The following TYW3 variants were observed in gnomAD, a reference collection of about 807,000 sequenced individuals.
TYW3 encodes tRNA wybutosine-synthesizing protein 3 homolog.
In TYW3, 26 loss-of-function variants were observed where a neutral mutation model predicts 23.1. The observed-to-expected ratio is 1.13, with a 90% CI of 0.83 to 1.56. The LOEUF (loss-of-function observed/expected upper bound fraction) is 1.56. Among genes scored for constraint, TYW3 ranks in the 40% most tolerant of loss-of-function variants. The probability of loss-of-function intolerance (pLI) is 0.00; values close to 1 mark genes in which losing one functional copy is unlikely to be tolerated. For synonymous variants in TYW3, 102 were observed against 105.7 expected (o/e 0.97, Z 0.21); for missense variants, 316 against 311.9 (o/e 1.01, Z -0.10).
chr1:74,736,028 T>C (rs111531666), intron 1 of TYW3, among the ~76,000 whole-genome samples: 1 of 152,176 alleles, frequency 6.6e-6, no homozygotes, highest in African/African-American at 2.4e-5. Context: ...CTTAGCTCCA[T>C]CCTTCAGGAC....
intron 4 of TYW3, chr1:74,750,949 A>AGG: frequency 6.6e-6 from 1 of 152,052 alleles, no homozygotes; most frequent in Non-Finnish European, 1.5e-5. Flanking sequence ...CTGGAATTAC[A>AGG]CACAGGCCCT....
intron 2 of TYW3, among the ~76,000 whole-genome samples, chr1:74,737,825 A>G (rs573236296): frequency 3.9e-4 from 59 of 152,148 alleles, no homozygotes; most frequent in African/African-American, 1.3e-3. Context: ...GTGTTGTAAC[A>G]TTTGCTTATA....
intron 3 of TYW3, 150 bp downstream of exon 3, chr1:74,738,938 T>G (rs1316372014): frequency 4.5e-6 from 2 of 441,638 alleles, no homozygotes; most frequent in Admixed American, 8.5e-5. Context: ...TCTATTAATT[T>G]TTAATATTAG....
intron 3 of TYW3, among the ~76,000 whole-genome samples, chr1:74,747,596 C>G (rs1325540232): frequency 6.9e-6 from 1 of 145,454 alleles, no homozygotes; most frequent in East Asian, 2.0e-4. Context: ...GAGATCCCGC[C>G]ACTGCACTCC....
At chr1:74,756,214 G>A (rs867959878) in intron 5 of TYW3, among the ~76,000 whole-genome samples, 6 of 152,200 alleles carry the variant, frequency 3.9e-5, no homozygotes, top group Admixed American at 3.9e-4. Context: ...GTGGGGCACT[G>A]CGGAAAAGAT....
chr1:74,747,650 A>AT (rs1648613285), intron 3 of TYW3, among the ~76,000 whole-genome samples: 1 of 151,116 alleles, frequency 6.6e-6, no homozygotes, highest in South Asian at 2.1e-4. Flanking sequence ...AAAAAAAAAA[A>AT]GAAAAAGAAA....
At chr1:74,748,692 C>G in intron 3 of TYW3, 59 bp from the exon 4 acceptor site, 1 of 1,362,512 alleles carries the variant, frequency 7.3e-7, no homozygotes, top group South Asian at 1.3e-5. Flanking sequence ...TTTGTGGAGC[C>G]AAACAGATGA....
intron 4 of TYW3, 26 bp downstream of exon 4, chr1:74,748,848 T>C: frequency 6.2e-7 from 1 of 1,601,642 alleles, no homozygotes; most frequent in East Asian, 2.2e-5. Flanking sequence ...AAAGAGTAAT[T>C]TTTTTAGTGT....
At chr1:74,737,756 G>T (rs1045840241) in intron 2 of TYW3, among the ~76,000 whole-genome samples, 3 of 152,174 alleles carry the variant, frequency 2.0e-5, no homozygotes, top group Non-Finnish European at 4.4e-5. Context: ...GTGCTACCTA[G>T]GGAAGAGACT....
chr1:74,747,254 G>A (rs1410386759), intron 3 of TYW3, among the ~76,000 whole-genome samples: 2 of 152,164 alleles, frequency 1.3e-5, no homozygotes, highest in African/African-American at 4.8e-5. Context: ...ATGGGAATTG[G>A]GTATAGGGGA....
At position 74,748,883 on chromosome 1, in the gene TYW3, CTAAT is replaced by C. The variant is rs1441012509; in HGVS notation, c.426+64_426+67del. The C allele has an allele frequency of 4.3e-6, 6 of 1,392,226 alleles. No homozygotes were observed. In the African/African-American group the frequency reaches 8.6e-5, roughly 20 times the overall value. The allele number at this position is 1,392,226 out of a possible 1,614,324, so 86.2% of individuals were successfully genotyped here. A position where few individuals can be genotyped will look rare whatever the true frequency, so the allele number is the denominator to read the frequency against. On this transcript the variant is annotated intron_variant, in intron 4 of 5. Transcript: ENST00000370867. The stretch of plus-strand genomic sequence containing the variant: ...TAAAGTGATCCAGAAATTGAATAAC[CTAAT>C]TAGACTCCTGCCTTTAATGTCTCCT...
chr1:74,736,457 G>C lies in TYW3; in HGVS notation c.175-85G>C, dbSNP rs1047724606. On this transcript the variant is annotated intron_variant, in intron 1 of 5. Transcript: ENST00000370867. ...TCCTGACTTGGGATTATTAATTTAA[G>C]AAAGCCTACAATATACTATGCATTA... 6.2e-5 allele frequency: 56 copies of C among 900,884 alleles called. No homozygotes were observed. The Admixed American group carries it at 1.2e-3, about 19-fold the overall frequency. 55.8% of individuals were successfully genotyped at this position (900,884 alleles called of 1,614,324 possible).
At chr1:74,740,822 A>G (rs1006242633) in intron 3 of TYW3, among the ~76,000 whole-genome samples, 1 of 152,232 alleles carries the variant, frequency 6.6e-6, no homozygotes, top group African/African-American at 2.4e-5. Context: ...GCGTTTTTAC[A>G]GAGTGCTGAT....
At chr1:74,744,003 C>T (rs1027128373) in intron 3 of TYW3, among the ~76,000 whole-genome samples, 3 of 152,094 alleles carry the variant, frequency 2.0e-5, no homozygotes, top group Non-Finnish European at 1.5e-5. Flanking sequence ...CCAAGTTGGG[C>T]CAAATTCCCC....
At chr1:74,736,737 AT>A in intron 2 of TYW3, 115 bp downstream of exon 2, 1 of 793,180 alleles carries the variant, frequency 1.3e-6, no homozygotes, top group South Asian at 2.2e-5. Flanking sequence ...ATGGCTGAAG[AT>A]TATAAAACCT....
rs778991657 is a variant in TYW3 at position 74,736,560 on chromosome 1, G to A, written c.193G>A (p.Val65Ile). 1 of 1,600,862 alleles carries A rather than the reference G, an allele frequency of 6.2e-7. No homozygotes were observed. The highest frequency in any genetic ancestry group is 1.7e-5 in the Admixed American group (1 of 59,028). Residue 65 changes from valine (V) to isoleucine (I), a missense_variant, in exon 2 of 6, where the codon GTT (valine) becomes ATT (isoleucine). Physicochemically the swap from Val to Ile is conservative, Grantham distance 29 (BLOSUM62 3). Coordinates refer to ENST00000370867, the MANE Select transcript of TYW3 (RefSeq NM_138467.3). ...LLDRGINGFEVQKQNCCWLLV... is the reference protein window; with the variant it reads ...LLDRGINGFEIQKQNCCWLLV... ...ATTTTAGGGTATAAATGGTTTTGAG[G>A]TTCAGAAACAAAACTGTTGCTGGCT...
chr1:74,751,736 A>G (rs525487), intron 4 of TYW3, among the ~76,000 whole-genome samples: 33,089 of 151,876 alleles, frequency 0.22, 3,889 homozygotes, highest in Middle Eastern at 0.29. Context: ...TAGACCTTGT[A>G]TGGTTGTTCT....
chr1:74,765,462 G>T lies in TYW3; in HGVS notation c.*1349G>T, dbSNP rs1384592614. The T allele has an allele frequency of 3.3e-5, 5 of 152,124 alleles. No homozygotes were observed. Among genetic ancestry groups the T allele is most frequent in the Admixed American group, 6.6e-5 (1 of 15,250 alleles). The allele number at this position is 152,124 out of a possible 1,614,324, so 9.4% of individuals were successfully genotyped here. A position where few individuals can be genotyped will look rare whatever the true frequency, so the allele number is the denominator to read the frequency against. On this transcript the variant is annotated 3_prime_UTR_variant, in exon 6 of 6. Transcript: ENST00000370867. The stretch of plus-strand genomic sequence containing the variant: ...GACAATGTCAGTGGCACTCGAAGTT[G>T]TGCAGTGCACATTCTTATCTACCAA...
At chr1:74,741,823 T>G (rs1316265176) in intron 3 of TYW3, among the ~76,000 whole-genome samples, 1 of 152,172 alleles carries the variant, frequency 6.6e-6, no homozygotes, top group Non-Finnish European at 1.5e-5. Context: ...GATGAGTTTC[T>G]TGTGTTAGTT....
Sources: gnomAD v4.1 joint callset for allele counts (sites outside exome capture counted in the v4.1 genomes callset) on GRCh38, gnomAD v4.1.1 for gene constraint, MANE v1.5 for transcripts, NCBI Gene and HGNC (gene_info 2026-07-23, HGNC 2026-07-21) for gene names.